Variants in OSBPL3 observed in about 807,000 individuals in gnomAD.
OSBPL3 encodes the protein oxysterol binding protein like 3.
Under a neutral mutation model 120.1 loss-of-function variants are expected in OSBPL3, and 65 were observed. The observed-to-expected ratio is 0.54, with a 90% CI of 0.44 to 0.67. OSBPL3 has a LOEUF of 0.67. OSBPL3 is among the 30% of genes least tolerant of loss of function. The pLI is 0.00. For missense variants in OSBPL3, 1,004 were observed against 1,082.1 expected (o/e 0.93, Z 1.01); for synonymous variants, 416 against 402.6 (o/e 1.03, Z -0.40).
intron 1 of OSBPL3, among the ~76,000 whole-genome samples, chr7:24,897,723 C>T (rs551498459): frequency 6.6e-6 from 1 of 152,224 alleles, no homozygotes; most frequent in Non-Finnish European, 1.5e-5. Context: ...AGCATTAAAG[C>T]AGTGTGCTTA....
rs1794954580 is a variant in OSBPL3, at chr7:24,820,235, T to C, written c.1888A>G (p.Ser630Gly). The change falls in exon 17 of 23, where the codon AGC becomes GGC. Residue 630 changes from serine (S) to glycine (G), a missense_variant. Ser to Gly is a moderately conservative substitution (Grantham distance 56). Around this residue, in one of 4 missense-constraint regions of OSBPL3, gnomAD observed 473 missense variants for 568.0 expected, o/e 0.83. Transcript: ENST00000313367. This position sits in a 1 kb window ranked among gnomAD's most constrained non-coding sequence, Gnocchi z 4.6. ...CACGCAGAGATAGGCGGATGGTGGCTGACCTGATGGAAACAAAGGACAGAA... is the reference window on the plus strand; with the variant it reads ...CACGCAGAGATAGGCGGATGGTGGCCGACCTGATGGAAACAAAGGACAGAA... ...KGFQFFSEQV[S>G]HHPPISACHA... 3 of 1,611,256 alleles carry C rather than the reference T, an allele frequency of 1.9e-6. No homozygotes were observed. The highest frequency in any genetic ancestry group is 2.5e-6 in the Non-Finnish European group (3 of 1,178,194).
At chr7:24,910,893 G>A (rs893073371) in intron 1 of OSBPL3, among the ~76,000 whole-genome samples, 4 of 152,184 alleles carry the variant, frequency 2.6e-5, no homozygotes, top group African/African-American at 7.2e-5. Flanking sequence ...CCCCGGCTGC[G>A]TGACAGGATC....
At chr7:24,956,347 T>C (rs911693402) in intron 1 of OSBPL3, among the ~76,000 whole-genome samples, 3 of 152,270 alleles carry the variant, frequency 2.0e-5, no homozygotes, top group African/African-American at 7.2e-5. Flanking sequence ...TGGATAGAAC[T>C]GTTTTATTCA....
At chr7:24,850,055 C>T (rs1798950675) in intron 11 of OSBPL3, among the ~76,000 whole-genome samples, 2 of 152,114 alleles carry the variant, frequency 1.3e-5, no homozygotes, top group South Asian at 4.2e-4. Context: ...TCTATTCATT[C>T]TTCAGGACTA....
chr7:24,841,971 C>A (rs184992604), intron 13 of OSBPL3, among the ~76,000 whole-genome samples: 8 of 151,580 alleles, frequency 5.3e-5, no homozygotes, highest in Admixed American at 3.9e-4. Context: ...TGAGATTGCA[C>A]CACTGCACTT....
intron 1 of OSBPL3, among the ~76,000 whole-genome samples, chr7:24,970,201 C>T (rs940133368): frequency 2.7e-5 from 4 of 148,674 alleles, no homozygotes; most frequent in African/African-American, 1.0e-4. Context: ...TCCACCTCCC[C>T]GGTTCAAGCG....
At chr7:24,981,429 C>G (rs1818340037), upstream of OSBPL3, 1 of 152,370 alleles carries the variant, frequency 6.6e-6, no homozygotes, top group South Asian at 2.1e-4. The surrounding 1 kb of genome is among the most constrained non-coding windows in gnomAD (Gnocchi z 7.3). Flanking sequence ...GCGTGGCTCG[C>G]TGGGCTCAGC....
chr7:24,971,848 C>A (rs1333212301), intron 1 of OSBPL3, among the ~76,000 whole-genome samples: 1 of 152,176 alleles, frequency 6.6e-6, no homozygotes, highest in African/African-American at 2.4e-5. Context: ...ATAATTACCT[C>A]CACCTTCAAA....
At position 24,821,940 on chromosome 7, in the gene OSBPL3, C is replaced by T. The variant is rs1442589081; in HGVS notation, c.1885-1702G>A. Among the ~76,000 whole-genome samples, 1 of 152,200 alleles carries T rather than the reference C, an allele frequency of 6.6e-6. No homozygotes were observed. Among genetic ancestry groups the T allele is most frequent in the East Asian group, 1.9e-4 (1 of 5,196 alleles). On this transcript the variant is annotated intron_variant, in intron 16 of 22. Transcript: ENST00000313367. This position sits in a 1 kb window ranked among gnomAD's most constrained non-coding sequence, Gnocchi z 5.5. ...CCAGGCTGGAGTGCAGTGGCACAAT[C>T]ACAGCCCACTACAGCCTTGACCTCC...
At chr7:24,895,381 A>G (rs1198836213) in intron 1 of OSBPL3, among the ~76,000 whole-genome samples, 1 of 152,238 alleles carries the variant, frequency 6.6e-6, no homozygotes, top group Non-Finnish European at 1.5e-5. Context: ...GCCTGGGAGC[A>G]GTAGGCTGTA....
intron 20 of OSBPL3, among the ~76,000 whole-genome samples, chr7:24,809,512 T>C (rs1156665078): frequency 6.6e-6 from 1 of 152,162 alleles, no homozygotes; most frequent in African/African-American, 2.4e-5. Flanking sequence ...TAGTACCCAG[T>C]AGAGTTATGC....
chr7:24,901,026 A>C (rs1040883521), intron 1 of OSBPL3, among the ~76,000 whole-genome samples: 11 of 150,826 alleles, frequency 7.3e-5, no homozygotes, highest in Non-Finnish European at 7.4e-5. Flanking sequence ...GTCTCGAAAA[A>C]AAAAAAAAAA....
intron 12 of OSBPL3, among the ~76,000 whole-genome samples, chr7:24,842,636 A>G (rs1197431907): frequency 6.6e-6 from 1 of 152,198 alleles, no homozygotes; most frequent in Non-Finnish European, 1.5e-5. Flanking sequence ...TCTCACACAC[A>G]TGCAACAAAT....
rs941780863 is a variant in OSBPL3, at chr7:24,802,415, C to A, written c.2567+1900G>T. The stretch of plus-strand genomic sequence containing the variant: ...CTCCAATTGAAAAAAATTTTCCCAT[C>A]TAATACTATGATCATTTTACAGACA... On this transcript the variant is annotated intron_variant, in intron 22 of 22. Transcript: ENST00000313367. The surrounding 1 kb of genome is among the most constrained non-coding windows in gnomAD (Gnocchi z 4.1). Among the ~76,000 whole-genome samples, 2 of 152,250 alleles carry A rather than the reference C, an allele frequency of 1.3e-5. No homozygotes were observed. Among genetic ancestry groups the A allele is most frequent in the African/African-American group, 4.8e-5 (2 of 41,462 alleles).
At chr7:24,927,006 T>C (rs1316979661) in intron 1 of OSBPL3, among the ~76,000 whole-genome samples, 1 of 152,244 alleles carries the variant, frequency 6.6e-6, no homozygotes, top group African/African-American at 2.4e-5. Context: ...CACGAATTTT[T>C]ATTCAAATAG....
At position 24,881,297 on chromosome 7, in the gene OSBPL3, G is replaced by A. The variant is rs1803649150; in HGVS notation, c.97-9228C>T. Among the ~76,000 whole-genome samples, 1 of 152,196 alleles carries A rather than the reference G, an allele frequency of 6.6e-6. No homozygotes were observed. The highest frequency in any genetic ancestry group is 1.5e-5 in the Non-Finnish European group (1 of 68,044). On this transcript the variant is annotated intron_variant, in intron 2 of 22. Transcript: ENST00000313367. The surrounding 1 kb of genome is among the most constrained non-coding windows in gnomAD (Gnocchi z 4.3). The stretch of plus-strand genomic sequence containing the variant: ...ACACAATAACTGGTTCTCATAATGA[G>A]AACCTAGTGACAATGTTAAGATCTC...
At position 24,855,597 on chromosome 7, in the gene OSBPL3, G is replaced by A. The variant is rs2128236073; in HGVS notation, c.1028-2963C>T. Among the ~76,000 whole-genome samples the A allele has an allele frequency of 6.6e-6, 1 of 152,172 alleles. No individual in the cohort carries two copies. The highest frequency in any genetic ancestry group is 2.1e-4 in the South Asian group (1 of 4,812). ...TAAATGACTATCAGGGCCCACTCAG[G>A]ACATTAAAATAGTCATTCACAGCCA... On this transcript the variant is annotated intron_variant, in intron 10 of 22. Coordinates refer to ENST00000313367, the MANE Select transcript of OSBPL3 (RefSeq NM_015550.4). This position sits in a 1 kb window ranked among gnomAD's most constrained non-coding sequence, Gnocchi z 4.3.
At position 24,883,006 on chromosome 7, in the gene OSBPL3, T is replaced by TTTTCTCCCATTTCTCCCA. The variant is rs1803950772; in HGVS notation, c.96+9370_96+9371insTGGGAGAAATGGGAGAAA. ...CTGTTGGAAGCATAGTTTGCAAATA[T>TTTTCTCCCATTTCTCCCA]TTTCTCCCATTTTGCAGGTAGTCTG... On this transcript the variant is annotated intron_variant, in intron 2 of 22. Transcript: ENST00000313367. This position sits in a 1 kb window ranked among gnomAD's most constrained non-coding sequence, Gnocchi z 5.4. 6.6e-6 allele frequency among the ~76,000 whole-genome samples: 1 copy of TTTTCTCCCATTTCTCCCA among 152,228 alleles called. No homozygotes were observed. The highest frequency in any genetic ancestry group is 2.4e-5 in the African/African-American group (1 of 41,462).
Position 24,822,763 on chromosome 7 carries a change from T to C in OSBPL3, c.1885-2525A>G, listed in dbSNP as rs939975301. Among the ~76,000 whole-genome samples the C allele has an allele frequency of 2.6e-5, 4 of 152,214 alleles. No individual in the cohort carries two copies. Among genetic ancestry groups the C allele is most frequent in the African/African-American group, 9.6e-5 (4 of 41,462 alleles). ...AAACAGGGATAAATATACATCCATA[T>C]GAATTACAAGAGAACCCCTACAGTA... On this transcript the variant is annotated intron_variant, in intron 16 of 22. Transcript: ENST00000313367. The surrounding 1 kb of genome is among the most constrained non-coding windows in gnomAD (Gnocchi z 5.8).
Sources: gnomAD v4.1 joint callset for allele counts (sites outside exome capture counted in the v4.1 genomes callset) on GRCh38, gnomAD v4.1.1 for gene constraint, gnomAD v4.1.1 regional missense constraint, Gnocchi (gnomAD v3.1) non-coding constraint, MANE v1.5 for transcripts, NCBI Gene and HGNC (gene_info 2026-07-23, HGNC 2026-07-21) for gene names.